Variants in TRNAU1AP observed in about 807,000 individuals in gnomAD.
The protein encoded by TRNAU1AP is tRNA selenocysteine 1-associated protein 1.
A neutral mutation model predicts 43.3 loss-of-function variants in TRNAU1AP; 33 were observed. The observed-to-expected ratio is 0.76, with a 90% CI of 0.58 to 1.02. TRNAU1AP has a LOEUF of 1.02. TRNAU1AP is among the 50% of genes least tolerant of loss of function. The probability of loss-of-function intolerance (pLI) is 0.00; values close to 1 mark genes in which losing one functional copy is unlikely to be tolerated. For missense variants in TRNAU1AP, 290 were observed against 362.7 expected (o/e 0.80, Z 1.63); for synonymous variants, 143 against 129.1 (o/e 1.11, Z -0.73).
chr1:28,554,608 G>A (rs949794641), intron 2 of TRNAU1AP, among the ~76,000 whole-genome samples: 2 of 151,780 alleles, frequency 1.3e-5, no homozygotes, highest in Admixed American at 6.6e-5. Context: ...TTGGGAGGCC[G>A]AGGCAGGCCG....
At chr1:28,565,832 A>G (rs1158741842) in intron 5 of TRNAU1AP, 1 of 152,032 alleles carries the variant, frequency 6.6e-6, no homozygotes. Context: ...ACCTCAAGAA[A>G]GGCTCATTCT....
chr1:28,558,826 A>G (rs1330268050), intron 2 of TRNAU1AP, among the ~76,000 whole-genome samples: 3 of 152,032 alleles, frequency 2.0e-5, no homozygotes, highest in Non-Finnish European at 4.4e-5. Flanking sequence ...CGGCCTCCCA[A>G]AGTGCTGGGA....
chr1:28,567,166 C>CT (rs1448392947), intron 5 of TRNAU1AP, 128 bp from the exon 6 acceptor site: 1 of 987,038 alleles, frequency 1.0e-6, no homozygotes, highest in Non-Finnish European at 1.5e-6. Context: ...TGGACTCTCT[C>CT]TTTCTCTTCT....
At chr1:28,572,727 A>T (rs937784956) in intron 8 of TRNAU1AP, among the ~76,000 whole-genome samples, 2 of 151,204 alleles carry the variant, frequency 1.3e-5, no homozygotes, top group Non-Finnish European at 3.0e-5. Context: ...GAGGTCAGGA[A>T]ATCGAGACCA....
At chr1:28,572,934 CA>C (rs200836155) in intron 8 of TRNAU1AP, among the ~76,000 whole-genome samples, 1 of 144,578 alleles carries the variant, frequency 6.9e-6, no homozygotes, top group African/African-American at 2.6e-5. Context: ...GACTCCGTCT[CA>C]AAAAAAAAGA....
chr1:28,566,291 G>A (rs1481027883), intron 5 of TRNAU1AP, among the ~76,000 whole-genome samples: 1 of 149,732 alleles, frequency 6.7e-6, no homozygotes. Flanking sequence ...TTCCAGCCTG[G>A]GAGACACAGC....
chr1:28,572,637 A>T (rs115239886), intron 8 of TRNAU1AP, among the ~76,000 whole-genome samples: 1 of 151,988 alleles, frequency 6.6e-6, no homozygotes, highest in Non-Finnish European at 1.5e-5. Flanking sequence ...AAATTTGGAA[A>T]ATATAGTAAA....
chr1:28,560,563 A>T (rs2124193898), intron 2 of TRNAU1AP, 70 bp from the exon 3 acceptor site: 1 of 1,315,188 alleles, frequency 7.6e-7, no homozygotes, highest in Admixed American at 1.8e-5. Flanking sequence ...TGCGTGAGCC[A>T]TCACGCCTGG....
chr1:28,553,346 C>T (rs1420871474), intron 1 of TRNAU1AP: 2 of 646,664 alleles, frequency 3.1e-6, no homozygotes, highest in African/African-American at 1.8e-5. Flanking sequence ...CACCTGGGTT[C>T]GTGGGAGGGA....
At chr1:28,564,661 T>G (rs1665496813) in intron 4 of TRNAU1AP, 42 bp from the exon 5 acceptor site, 1 of 1,591,240 alleles carries the variant, frequency 6.3e-7, no homozygotes, top group Admixed American at 1.8e-5. Flanking sequence ...AGAGCAGAGG[T>G]TTTGGTCTTT....
At chr1:28,553,619 T>C in intron 1 of TRNAU1AP, 21 bp from the exon 2 acceptor site, 1 of 1,612,252 alleles carries the variant, frequency 6.2e-7, no homozygotes, top group Admixed American at 1.7e-5. Flanking sequence ...CCTGAGCCGC[T>C]GTGCTCTTGT....
rs772239857 is a variant in TRNAU1AP, at chr1:28,569,691, C to CA, written c.531-1472dup. Reference sequence around the variant, plus strand: ...TGGGTGACAGTGTGAGACTCCATCTCAAAAAAAAAAAAAGGCCAGGTGCAG... The same window carrying CA: ...TGGGTGACAGTGTGAGACTCCATCTCAAAAAAAAAAAAAAGGCCAGGTGCAG... On this transcript the variant is annotated intron_variant, in intron 6 of 8. Coordinates refer to ENST00000373830, the MANE Select transcript of TRNAU1AP (RefSeq NM_017846.5). Among the ~76,000 whole-genome samples the CA allele has an allele frequency of 6.6e-3, 501 of 75,678 alleles. 1 individual carries two copies. Among genetic ancestry groups the CA allele is most frequent in the Middle Eastern group, 0.013 (1 of 76 alleles). 49.6% of individuals were successfully genotyped at this position (75,678 alleles called of 152,430 possible).
chr1:28,570,869 G>C (rs1665648640), intron 6 of TRNAU1AP, among the ~76,000 whole-genome samples: 1 of 152,018 alleles, frequency 6.6e-6, no homozygotes. Context: ...ATCGAGACCA[G>C]CCTGGCTAAC....
intron 4 of TRNAU1AP, among the ~76,000 whole-genome samples, chr1:28,562,950 C>T (rs1665447707): frequency 7.0e-6 from 1 of 143,238 alleles, no homozygotes; most frequent in African/African-American, 2.7e-5. Flanking sequence ...AGCTGGAGTG[C>T]AGTGGCATGA....
chr1:28,570,619 C>G (rs1384848143), intron 6 of TRNAU1AP, among the ~76,000 whole-genome samples: 4 of 151,760 alleles, frequency 2.6e-5, no homozygotes, highest in Admixed American at 6.6e-5. Context: ...TTAAGAGAGA[C>G]AAACCTATCC....
rs1178078009 is a variant in TRNAU1AP, at chr1:28,574,077, CT to C, written c.727+2196del. ...TGGGCAACATAACGAGACCCCATCT[CT>C]TTTTTTTTTTTTTTTTTTGGGAGAC... is the stretch of plus-strand genomic sequence containing the variant. On this transcript the variant is annotated intron_variant, in intron 8 of 8. Transcript: ENST00000373830. Among the ~76,000 whole-genome samples, 744 of 124,120 alleles carry C rather than the reference CT, an allele frequency of 6.0e-3. 1 individual carries two copies. Among genetic ancestry groups the C allele is most frequent in the Non-Finnish European group, 8.7e-3 (526 of 60,152 alleles). The allele number at this position is 124,120 out of a possible 152,430, so 81.4% of individuals were successfully genotyped here.
At chr1:28,557,591 T>C (rs974245592) in intron 2 of TRNAU1AP, among the ~76,000 whole-genome samples, 2 of 151,336 alleles carry the variant, frequency 1.3e-5, no homozygotes, top group African/African-American at 4.9e-5. Context: ...GTGTTTTGTT[T>C]TGTTTTGTTT....
intron 6 of TRNAU1AP, 57 bp downstream of exon 6, chr1:28,567,470 T>C: frequency 6.5e-7 from 1 of 1,530,362 alleles, no homozygotes. Context: ...CACTCCTCTT[T>C]TGTTTGCTGA....
At chr1:28,568,901 T>A (rs1158585747) in intron 6 of TRNAU1AP, among the ~76,000 whole-genome samples, 1 of 151,478 alleles carries the variant, frequency 6.6e-6, no homozygotes, top group Non-Finnish European at 1.5e-5. Flanking sequence ...AGCTTCCACC[T>A]CCCAGGTTCA....
Sources: allele counts gnomAD v4.1 joint callset (sites outside exome capture counted in the v4.1 genomes callset), GRCh38; gene constraint gnomAD v4.1.1; transcripts MANE v1.5; gene names NCBI Gene and HGNC (gene_info 2026-07-23, HGNC 2026-07-21).